The following SLC7A14 variants were observed in gnomAD, a reference collection of about 807,000 sequenced individuals.
The protein encoded by SLC7A14 is gamma-aminobutyric acid transporter SLC7A14.
In SLC7A14, 37 loss-of-function variants were observed where a neutral mutation model predicts 60.2. The observed-to-expected ratio is 0.61, with a 90% CI of 0.47 to 0.81. The LOEUF is 0.81. SLC7A14 is among the 30% of genes least tolerant of loss of function. The pLI is 0.00. For synonymous variants in SLC7A14, 399 were observed against 395.8 expected, an observed-to-expected ratio of 1.01 and a Z score of -0.10; for missense variants, 886 against 982.7, an observed-to-expected ratio of 0.90 and a Z score of 1.32.
At chr3:170,575,410 G>A (rs1380740707) in intron 1 of SLC7A14, among the ~76,000 whole-genome samples, 1 of 152,216 alleles carries the variant, frequency 6.6e-6, no homozygotes, top group Non-Finnish European at 1.5e-5. Context: ...AGGATGTCAT[G>A]CTCATGTGTT....
intron 4 of SLC7A14, among the ~76,000 whole-genome samples, chr3:170,495,331 A>G (rs1185239790): frequency 6.6e-6 from 1 of 152,204 alleles, no homozygotes; most frequent in African/African-American, 2.4e-5. Flanking sequence ...AATGGTGAGG[A>G]CATTTTCCTG....
At chr3:170,526,577 G>T in intron 2 of SLC7A14, 56 bp downstream of exon 2, 1 of 1,574,482 alleles carries the variant, frequency 6.4e-7, no homozygotes, top group South Asian at 1.2e-5. Flanking sequence ...GGGATGAACA[G>T]TGACCAGGCT....
intron 1 of SLC7A14, among the ~76,000 whole-genome samples, chr3:170,543,392 G>T (rs1714079499): frequency 6.6e-6 from 1 of 152,148 alleles, no homozygotes; most frequent in Admixed American, 6.5e-5. Context: ...GCTTACTCCT[G>T]TAATCCCAGC....
At chr3:170,502,719 G>A (rs183618784) in intron 2 of SLC7A14, 3 of 152,324 alleles carry the variant, frequency 2.0e-5, no homozygotes, top group Non-Finnish European at 2.9e-5. Flanking sequence ...GGAAGGGAGT[G>A]AAATCAATGC....
At chr3:170,474,116 T>C (rs954750173) in intron 7 of SLC7A14, among the ~76,000 whole-genome samples, 3 of 152,178 alleles carry the variant, frequency 2.0e-5, no homozygotes, top group African/African-American at 4.8e-5. Context: ...GAATAATATA[T>C]TGTGGTATAT....
chr3:170,486,477 AGGGAG>A, intron 4 of SLC7A14, 109 bp from the exon 5 acceptor site: 2 of 1,396,802 alleles, frequency 1.4e-6, no homozygotes, highest in Non-Finnish European at 2.0e-6. Context: ...TGAGTGGCTG[AGGGAG>A]TAACATGGTG....
intron 1 of SLC7A14, among the ~76,000 whole-genome samples, chr3:170,546,882 C>G (rs1458464505): frequency 6.6e-6 from 1 of 152,186 alleles, no homozygotes; most frequent in Non-Finnish European, 1.5e-5. Flanking sequence ...ATGGACAGGT[C>G]TTCTTGGTCT....
chr3:170,467,464 T>C (rs57284251), intron 7 of SLC7A14, 87 bp from the exon 8 acceptor site: 3,661 of 269,490 alleles, frequency 0.014, 115 homozygotes, highest in African/African-American at 0.086. Context: ...AGTGATGAAA[T>C]CAAAGCTGGC....
At chr3:170,472,250 A>G (rs1467336453) in intron 7 of SLC7A14, among the ~76,000 whole-genome samples, 2 of 151,632 alleles carry the variant, frequency 1.3e-5, no homozygotes, top group African/African-American at 4.8e-5. Context: ...GGCACTGGTA[A>G]TCCAGCTACA....
chr3:170,566,530 A>G (rs2108312811), intron 1 of SLC7A14, among the ~76,000 whole-genome samples: 1 of 152,218 alleles, frequency 6.6e-6, no homozygotes, highest in Middle Eastern at 3.4e-3. Flanking sequence ...TTGACTTTCT[A>G]TTTCCAGCTT....
chr3:170,573,268 G>T (rs1043260822), intron 1 of SLC7A14, among the ~76,000 whole-genome samples: 1 of 152,158 alleles, frequency 6.6e-6, no homozygotes, highest in African/African-American at 2.4e-5. Context: ...ATTATTGATG[G>T]TTAATCAGTG....
At chr3:170,513,099 G>A (rs1713038977) in intron 2 of SLC7A14, among the ~76,000 whole-genome samples, 1 of 152,130 alleles carries the variant, frequency 6.6e-6, no homozygotes, top group Non-Finnish European at 1.5e-5. Context: ...GAATGCAACA[G>A]CAATGGTGAG....
rs912736730 is a variant in SLC7A14, at chr3:170,498,891, A to G, written c.542-7T>C. On this transcript the variant is annotated splice_region_variant and splice_polypyrimidine_tract_variant and intron_variant, in intron 3 of 7. Coordinates refer to ENST00000231706, the MANE Select transcript of SLC7A14 (RefSeq NM_020949.3). ...TATGATTCTTCACCTTTCCCTAGAG[A>G]GGAAAGACATGATTTGACATTGTCT... is the stretch of plus-strand genomic sequence containing the variant. 121 of 1,613,566 alleles carry G rather than the reference A, an allele frequency of 7.5e-5. No individual in the cohort carries two copies. The highest frequency in any genetic ancestry group is 9.2e-5 in the Non-Finnish European group (109 of 1,179,698).
chr3:170,527,546 A>G (rs922852652), intron 1 of SLC7A14, among the ~76,000 whole-genome samples: 3 of 152,210 alleles, frequency 2.0e-5, no homozygotes, highest in Non-Finnish European at 4.4e-5. Context: ...TCTTGGGCAT[A>G]TTTTGAGGGG....
chr3:170,507,085 C>A (rs777328813), intron 2 of SLC7A14, among the ~76,000 whole-genome samples: 26 of 152,206 alleles, frequency 1.7e-4, no homozygotes, highest in Admixed American at 6.5e-5. Context: ...GGGTTATTCA[C>A]ACTTGAATGC....
intron 4 of SLC7A14, among the ~76,000 whole-genome samples, chr3:170,498,209 A>G (rs1299510389): frequency 1.3e-5 from 2 of 152,164 alleles, no homozygotes; most frequent in African/African-American, 4.8e-5. Flanking sequence ...CTGTTCTTGC[A>G]CAGACTTTGG....
chr3:170,526,869 T>C lies in SLC7A14; in HGVS notation c.68A>G (p.His23Arg), dbSNP rs201686079. ...VQWGAAWYAM[H>R]SRILRTKPVE... ...TGGTTTGGTGCGTAGGATCCTGGAG[T>C]GCATTGCATACCAGGCAGCTCCCCA... Residue 23 changes from histidine to arginine, a missense_variant, in exon 2 of 8, where the codon CAC becomes CGC. Coordinates refer to ENST00000231706, the MANE Select transcript of SLC7A14 (RefSeq NM_020949.3). 110 of 1,613,886 alleles carry C rather than the reference T, an allele frequency of 6.8e-5. No individual in the cohort carries two copies. Among genetic ancestry groups the C allele is most frequent in the Middle Eastern group, 1.6e-4 (1 of 6,062 alleles).
chr3:170,504,745 C>T (rs1712721024), intron 2 of SLC7A14, among the ~76,000 whole-genome samples: 1 of 152,034 alleles, frequency 6.6e-6, no homozygotes, highest in South Asian at 2.1e-4. Context: ...TCTGATGCAT[C>T]ATTCTTTGGT....
intron 1 of SLC7A14, among the ~76,000 whole-genome samples, chr3:170,562,421 A>T (rs1714678753): frequency 6.6e-6 from 1 of 151,882 alleles, no homozygotes; most frequent in Admixed American, 6.5e-5. Flanking sequence ...GTTCTCACTC[A>T]TAAGTGAGAC....
Sources: allele counts gnomAD v4.1 joint callset (sites outside exome capture counted in the v4.1 genomes callset), GRCh38; gene constraint gnomAD v4.1.1; transcripts MANE v1.5; gene names NCBI Gene and HGNC (gene_info 2026-07-23, HGNC 2026-07-21).